The following MON2 variants were observed in gnomAD, a reference collection of about 807,000 sequenced individuals.
The protein encoded by MON2 is protein MON2 homolog.
In MON2, 84 loss-of-function variants were observed where a neutral mutation model predicts 208.6. The ratio of observed to expected loss-of-function variants is 0.40; its 90% CI spans 0.34 to 0.48. The LOEUF is 0.48. Ranked by LOEUF, MON2 falls within the 20% of genes least tolerant of loss-of-function variation. The pLI is 0.59. For synonymous variants in MON2, 660 were observed against 694.0 expected (o/e 0.95, Z 0.77); for missense variants, 1,611 against 2,015.4 (o/e 0.80, Z 3.84).
At chr12:62,553,440 T>C (rs544388328) in intron 24 of MON2, 7 of 300,720 alleles carry the variant, frequency 2.3e-5, no homozygotes, top group South Asian at 8.1e-5. Context: ...CTCCTTTTTT[T>C]CCCCCAGTTT....
chr12:62,477,660 C>T (rs2069169085), intron 1 of MON2, among the ~76,000 whole-genome samples: 1 of 150,670 alleles, frequency 6.6e-6, no homozygotes, highest in South Asian at 2.1e-4. Flanking sequence ...AAGCGATCCT[C>T]TCGCCTTGAC....
rs113244604 is a variant in MON2 at position 62,553,941 on chromosome 12, T to G, written c.3210+767T>G. Among the ~76,000 whole-genome samples the G allele has an allele frequency of 9.8e-5, 15 of 152,298 alleles. 1 individual carries two copies. The highest frequency in any genetic ancestry group is 2.9e-4 in the African/African-American group (12 of 41,558). ...ACTGACACCTGTAATCCCAGTACTT[T>G]AGGAGGCTGAGGCAGCAGGATCACC... is the stretch of plus-strand genomic sequence containing the variant. On this transcript the variant is annotated intron_variant, in intron 24 of 34. Coordinates refer to ENST00000393630, the MANE Select transcript of MON2 (RefSeq NM_015026.3).
At chr12:62,564,171 A>G (rs1261774388) in intron 26 of MON2, among the ~76,000 whole-genome samples, 3 of 152,118 alleles carry the variant, frequency 2.0e-5, no homozygotes, top group Non-Finnish European at 2.9e-5. Context: ...TTTTATCTAA[A>G]AGTTCCGTTA....
chr12:62,559,995 G>T (rs1193159035), intron 25 of MON2: 1 of 152,960 alleles, frequency 6.5e-6, no homozygotes, highest in African/African-American at 2.4e-5. Flanking sequence ...GTAGACTGAA[G>T]ATGTTACTGA....
intron 8 of MON2, among the ~76,000 whole-genome samples, chr12:62,523,311 T>C (rs2072158994): frequency 6.6e-6 from 1 of 152,214 alleles, no homozygotes; most frequent in African/African-American, 2.4e-5. Flanking sequence ...TCTCATTTGA[T>C]TTCCCAGAAA....
chr12:62,545,072 T>C, intron 21 of MON2, 64 bp downstream of exon 21: 1 of 1,065,210 alleles, frequency 9.4e-7, no homozygotes. Context: ...CCATATGTGA[T>C]TTTTTTCTTA....
chr12:62,536,097 C>G (rs561736220), intron 14 of MON2, among the ~76,000 whole-genome samples: 1 of 152,004 alleles, frequency 6.6e-6, no homozygotes, highest in African/African-American at 2.4e-5. Flanking sequence ...CAGTTGTGAT[C>G]CTAAGCATTT....
intron 19 of MON2, among the ~76,000 whole-genome samples, chr12:62,539,824 C>T (rs1394483384): frequency 2.6e-5 from 4 of 151,938 alleles, no homozygotes; most frequent in African/African-American, 9.7e-5. Flanking sequence ...CGAGACCAGC[C>T]TGGCCAACAT....
chr12:62,557,081 C>T (rs913836544), intron 25 of MON2, among the ~76,000 whole-genome samples: 15 of 150,582 alleles, frequency 1.0e-4, no homozygotes, highest in African/African-American at 2.9e-4. Flanking sequence ...GAGTGAGACC[C>T]TGTCTCGAAA....
intron 30 of MON2, among the ~76,000 whole-genome samples, chr12:62,572,367 T>C (rs2074624824): frequency 6.6e-6 from 1 of 152,190 alleles, no homozygotes; most frequent in Admixed American, 6.5e-5. Flanking sequence ...TTTTACTAAA[T>C]GTGGACTTGT....
intron 1 of MON2, among the ~76,000 whole-genome samples, chr12:62,479,397 G>T (rs10877858): frequency 6.8e-6 from 1 of 148,030 alleles, no homozygotes. Context: ...TAGTTGTTAT[G>T]CTGTATTTTA....
intron 2 of MON2, among the ~76,000 whole-genome samples, chr12:62,488,496 A>G (rs2069925354): frequency 6.6e-6 from 1 of 152,206 alleles, no homozygotes; most frequent in South Asian, 2.1e-4. Context: ...AGGGGCCATT[A>G]TGTGATATCC....
intron 8 of MON2, among the ~76,000 whole-genome samples, chr12:62,513,057 C>T (rs901206408): frequency 6.6e-6 from 1 of 152,134 alleles, no homozygotes; most frequent in Non-Finnish European, 1.5e-5. Context: ...CACAAAACCA[C>T]GTTTTCCTCA....
intron 28 of MON2, 144 bp from the exon 29 acceptor site, chr12:62,566,178 T>C: frequency 7.5e-7 from 1 of 1,331,126 alleles, no homozygotes. Context: ...GAAGTACATA[T>C]CTCTTTGAAA....
chr12:62,483,878 A>AT (rs1340619258), intron 1 of MON2, among the ~76,000 whole-genome samples: 5 of 152,188 alleles, frequency 3.3e-5, no homozygotes, highest in African/African-American at 1.2e-4. Flanking sequence ...TTCTCGGAAA[A>AT]TTTAACTTTG....
intron 21 of MON2, among the ~76,000 whole-genome samples, chr12:62,546,095 A>G (rs2073470779): frequency 6.6e-6 from 1 of 152,110 alleles, no homozygotes; most frequent in Admixed American, 6.5e-5. Flanking sequence ...TCGTGGTTTT[A>G]TGTCATCTTT....
chr12:62,506,769 C>G (rs2071123405), intron 7 of MON2, among the ~76,000 whole-genome samples: 1 of 151,536 alleles, frequency 6.6e-6, no homozygotes, highest in Non-Finnish European at 1.5e-5. Context: ...TGATTCTGAG[C>G]AAACAACCTG....
At chr12:62,582,858 C>A (rs755882199) in intron 32 of MON2, among the ~76,000 whole-genome samples, 6 of 152,066 alleles carry the variant, frequency 3.9e-5, no homozygotes, top group Non-Finnish European at 8.8e-5. Context: ...ATAGTCAGAG[C>A]TCACAGACAT....
chr12:62,525,029 C>A, intron 9 of MON2, 55 bp from the exon 10 acceptor site: 1 of 1,446,214 alleles, frequency 6.9e-7, no homozygotes. Context: ...AAAAGGTTTA[C>A]AGTTTTTAAT....
Sources: allele counts gnomAD v4.1 joint callset (sites outside exome capture counted in the v4.1 genomes callset), GRCh38; gene constraint gnomAD v4.1.1; transcripts MANE v1.5; gene names NCBI Gene and HGNC (gene_info 2026-07-23, HGNC 2026-07-21).